Variants in TBC1D2B observed in about 807,000 individuals in gnomAD.
TBC1D2B encodes the protein TBC1 domain family member 2B.
In TBC1D2B, 64 loss-of-function variants were observed where a neutral mutation model predicts 100.8. The ratio of observed to expected loss-of-function variants is 0.64; its 90% CI spans 0.52 to 0.78. TBC1D2B has a LOEUF of 0.78. Ranked by LOEUF, TBC1D2B falls within the 30% of genes least tolerant of loss-of-function variation. The pLI, the probability that TBC1D2B is intolerant of heterozygous loss-of-function variation, is 0.00. For synonymous variants in TBC1D2B, 480 were observed against 479.7 expected, an observed-to-expected ratio of 1.00 and a Z score of -0.01; for missense variants, 1,052 against 1,218.4, an observed-to-expected ratio of 0.86 and a Z score of 2.03.
intron 1 of TBC1D2B, among the ~76,000 whole-genome samples, chr15:78,064,741 GC>G (rs2073622879): frequency 7.2e-6 from 1 of 139,822 alleles, no homozygotes; most frequent in Non-Finnish European, 1.5e-5. Flanking sequence ...AAGGGATCTG[GC>G]CCAGCACCAA....
intron 1 of TBC1D2B, among the ~76,000 whole-genome samples, chr15:78,055,311 TAAAAAAAAA>T (rs10715811): frequency 1.3e-5 from 2 of 150,794 alleles, no homozygotes; most frequent in African/African-American, 4.9e-5. Context: ...TGAATATCAT[TAAAAAAAAA>T]ATCAACCAAG....
Position 78,028,637 on chromosome 15 carries a change from G to A in TBC1D2B, c.847+1370C>T, listed in dbSNP as rs115124524. 6.3e-3 allele frequency among the ~76,000 whole-genome samples: 963 copies of A among 152,318 alleles called. 10 individuals carry two copies. Among genetic ancestry groups the A allele is most frequent in the African/African-American group, 0.02 (837 of 41,572 alleles). ...CATGATGTGGCTTCAGATGCGATAC[G>A]ATAGGAAGCACGCAGCATCTCCCCA... On this transcript the variant is annotated intron_variant, in intron 4 of 12. Coordinates refer to ENST00000300584, the MANE Select transcript of TBC1D2B (RefSeq NM_144572.2).
chr15:77,995,676 T>C lies in TBC1D2B; in HGVS notation c.*2484A>G, dbSNP rs950663451. ...TTCAACCCATAAAAAACCCCATCCA[T>C]TTAAAAGTTGGCAATTCCTAGCAGG... is the stretch of plus-strand genomic sequence containing the variant. On this transcript the variant is annotated 3_prime_UTR_variant, in exon 13 of 13. Transcript: ENST00000300584. The C allele has an allele frequency of 2.0e-5, 3 of 152,522 alleles. No homozygotes were observed. Among genetic ancestry groups the C allele is most frequent in the Non-Finnish European group, 2.9e-5 (2 of 68,062 alleles). 9.4% of individuals were successfully genotyped at this position (152,522 alleles called of 1,614,324 possible).
At chr15:78,061,628 G>A (rs114477151) in intron 1 of TBC1D2B, among the ~76,000 whole-genome samples, 1,901 of 148,340 alleles carry the variant, frequency 0.013, 54 homozygotes, top group African/African-American at 0.045. Context: ...TAGGACAACT[G>A]GTCAAATACC....
At chr15:78,013,995 C>CCTG (rs1395036774) in intron 8 of TBC1D2B, among the ~76,000 whole-genome samples, 1 of 152,106 alleles carries the variant, frequency 6.6e-6, no homozygotes, top group Non-Finnish European at 1.5e-5. Context: ...AGGGGCTGGA[C>CCTG]CTGCTGCTGC....
chr15:78,029,201 C>T (rs1411154408), intron 4 of TBC1D2B, among the ~76,000 whole-genome samples: 7 of 151,894 alleles, frequency 4.6e-5, no homozygotes, highest in Non-Finnish European at 7.4e-5. Flanking sequence ...GGACTACAGG[C>T]GCCCCCCACC....
intron 12 of TBC1D2B, chr15:77,999,350 C>G: frequency 2.2e-6 from 1 of 451,936 alleles, no homozygotes; most frequent in Non-Finnish European, 4.5e-6. Context: ...AAGGCACACA[C>G]GAGGGTGCAA....
intron 2 of TBC1D2B, among the ~76,000 whole-genome samples, chr15:78,053,473 A>T (rs1455861332): frequency 1.3e-5 from 2 of 152,226 alleles, no homozygotes; most frequent in Admixed American, 1.3e-4. Flanking sequence ...TAGGATGGGC[A>T]GCAAATAATT....
chr15:78,053,031 G>A (rs932582066), intron 2 of TBC1D2B, among the ~76,000 whole-genome samples: 18 of 152,310 alleles, frequency 1.2e-4, no homozygotes, highest in African/African-American at 4.1e-4. Context: ...TCACTGATAA[G>A]AGGGTTAACC....
At chr15:78,035,696 T>C (rs2072927593) in intron 3 of TBC1D2B, among the ~76,000 whole-genome samples, 1 of 152,194 alleles carries the variant, frequency 6.6e-6, no homozygotes. Flanking sequence ...TCCTCAAATA[T>C]ATTCTCACAA....
chr15:78,040,796 G>GGAAA lies in TBC1D2B; in HGVS notation c.683+4100_683+4103dup, dbSNP rs1183242012. On this transcript the variant is annotated intron_variant, in intron 3 of 12. Coordinates refer to ENST00000300584, the MANE Select transcript of TBC1D2B (RefSeq NM_144572.2). ...GAGAAAGAAAGAAAGAAGGAAGGAAGGAAAGAAAGAAAGAAAAAGCAAGAA... is the reference window on the plus strand; with the variant it reads ...GAGAAAGAAAGAAAGAAGGAAGGAAGGAAAGAAAGAAAGAAAGAAAAAGCAAGAA... Among the ~76,000 whole-genome samples, 10 of 98,372 alleles carry GGAAA rather than the reference G, an allele frequency of 1.0e-4. No individual in the cohort carries two copies. In the East Asian group the frequency reaches 2.7e-3, roughly 26 times the overall value. The allele number at this position is 98,372 out of a possible 152,430, so 64.5% of individuals were successfully genotyped here.
rs759027233 is a variant in TBC1D2B, at chr15:77,996,820, G to A, written c.*1340C>T. On this transcript the variant is annotated 3_prime_UTR_variant, in exon 13 of 13. Coordinates refer to ENST00000300584, the MANE Select transcript of TBC1D2B (RefSeq NM_144572.2). ...TTCGGGTAATATGAAACATTCCACTGAGATCATTTATCTTGTATTTTCATA... is the reference window on the plus strand; with the variant it reads ...TTCGGGTAATATGAAACATTCCACTAAGATCATTTATCTTGTATTTTCATA... 3 of 152,190 alleles carry A rather than the reference G, an allele frequency of 2.0e-5. No individual in the cohort carries two copies. Among genetic ancestry groups the A allele is most frequent in the Admixed American group, 6.5e-5 (1 of 15,276 alleles). The allele number at this position is 152,190 out of a possible 1,614,324, so 9.4% of individuals were successfully genotyped here.
At position 78,020,469 on chromosome 15, in the gene TBC1D2B, G is replaced by A. The variant is rs192459261; in HGVS notation, c.1471-2512C>T. On this transcript the variant is annotated intron_variant, in intron 6 of 12. Coordinates refer to ENST00000300584, the MANE Select transcript of TBC1D2B (RefSeq NM_144572.2). ...CACCTAACAGTGAAGACCTTATGAGGAGCCAGGCACTGTGTGAGGGAGGGC... is the reference window on the plus strand; with the variant it reads ...CACCTAACAGTGAAGACCTTATGAGAAGCCAGGCACTGTGTGAGGGAGGGC... 2.9e-4 allele frequency among the ~76,000 whole-genome samples: 44 copies of A among 152,332 alleles called. No individual in the cohort carries two copies. The East Asian group carries it at 8.1e-3, about 28-fold the overall frequency.
chr15:78,072,994 T>C (rs1460338533), intron 1 of TBC1D2B, among the ~76,000 whole-genome samples: 3 of 152,140 alleles, frequency 2.0e-5, no homozygotes, highest in East Asian at 1.9e-4. Context: ...AGATATTAAA[T>C]GCAATAGAAG....
intron 3 of TBC1D2B, among the ~76,000 whole-genome samples, chr15:78,035,031 T>G (rs896476349): frequency 1.3e-5 from 2 of 152,152 alleles, no homozygotes; most frequent in African/African-American, 4.8e-5. Context: ...ATGACAGTAT[T>G]TGCTGTTTAA....
intron 4 of TBC1D2B, among the ~76,000 whole-genome samples, chr15:78,027,731 C>A (rs963904210): frequency 6.6e-6 from 1 of 152,252 alleles, no homozygotes; most frequent in Non-Finnish European, 1.5e-5. Context: ...TTCTATTTCA[C>A]CCTCAGTCTC....
At chr15:78,059,327 C>G (rs1261154465) in intron 1 of TBC1D2B, among the ~76,000 whole-genome samples, 1 of 152,224 alleles carries the variant, frequency 6.6e-6, no homozygotes, top group Non-Finnish European at 1.5e-5. Context: ...ATATCTGACT[C>G]ATCCTCTCAT....
rs138251425 is a variant in TBC1D2B, at chr15:78,018,475, G to A, written c.1471-518C>T. 7.2e-5 allele frequency among the ~76,000 whole-genome samples: 11 copies of A among 152,280 alleles called. No individual in the cohort carries two copies. In the East Asian group the frequency reaches 1.9e-3, roughly 27 times the overall value. ...CTATGACCTAAAACGTATAAGGCAC[G>A]TAAGAGAACATATTCTTCAACACTG... On this transcript the variant is annotated intron_variant, in intron 6 of 12. Transcript: ENST00000300584.
chr15:78,001,102 C>T (rs2071900421), intron 12 of TBC1D2B, among the ~76,000 whole-genome samples: 1 of 152,228 alleles, frequency 6.6e-6, no homozygotes, highest in Admixed American at 6.5e-5. Flanking sequence ...CTCCACACTT[C>T]CCCAAACACA....
Sources: allele counts gnomAD v4.1 joint callset (sites outside exome capture counted in the v4.1 genomes callset), GRCh38; gene constraint gnomAD v4.1.1; transcripts MANE v1.5; gene names NCBI Gene and HGNC (gene_info 2026-07-23, HGNC 2026-07-21).